Variants in CD6 observed in about 807,000 individuals in gnomAD.
The protein encoded by CD6 is T-cell differentiation antigen CD6.
In CD6, 53 loss-of-function variants were observed where a neutral mutation model predicts 75.3. The ratio of observed to expected loss-of-function variants is 0.70; its 90% CI spans 0.56 to 0.88. CD6 has a LOEUF of 0.88. Ranked by LOEUF, CD6 falls within the 40% of genes least tolerant of loss-of-function variation. The probability of loss-of-function intolerance (pLI) is 0.00; values close to 1 mark genes in which losing one functional copy is unlikely to be tolerated. For missense variants in CD6, 770 were observed against 897.1 expected, an observed-to-expected ratio of 0.86 and a Z score of 1.81; for synonymous variants, 359 against 381.5, an observed-to-expected ratio of 0.94 and a Z score of 0.69.
chr11:60,998,678 T>C (rs1858419798), intron 1 of CD6, among the ~76,000 whole-genome samples: 1 of 152,202 alleles, frequency 6.6e-6, no homozygotes, highest in Non-Finnish European at 1.5e-5. Flanking sequence ...AGGTGCTCTC[T>C]GCAGGCTCAT....
In CD6 at chr11:61,019,793, T is replaced by G. The variant is rs148768506; in HGVS notation, c.*475T>G. ...CTGCAGGAGGGCCCATATACTAGGG[T>G]CTGCTGAGCTGTTGTCACTGATCGG... is the stretch of plus-strand genomic sequence containing the variant. On this transcript the variant is annotated 3_prime_UTR_variant, in exon 13 of 13. Coordinates refer to ENST00000313421, the MANE Select transcript of CD6 (RefSeq NM_006725.5). 682 of 175,014 alleles carry G rather than the reference T, an allele frequency of 3.9e-3. 5 individuals carry two copies. The highest frequency in any genetic ancestry group is 0.015 in the African/African-American group (655 of 42,410). 10.8% of individuals were successfully genotyped at this position (175,014 alleles called of 1,614,324 possible). A position where few individuals can be genotyped will look rare whatever the true frequency, so the allele number is the denominator to read the frequency against.
chr11:61,009,962 T>C (rs1859068792), intron 5 of CD6, 88 bp downstream of exon 5: 2 of 1,337,272 alleles, frequency 1.5e-6, no homozygotes, highest in East Asian at 2.4e-5. Context: ...AGGACCACAA[T>C]AGGCACCAGA....
rs1037873074 is a variant in CD6 at position 61,019,519 on chromosome 11, C to T, written c.*201C>T. ...CAAACCTGCTGCCACAGCCCTCCCC[C>T]GGCCCCAGATAGCAGCCCCAGGGAG... On this transcript the variant is annotated 3_prime_UTR_variant, in exon 13 of 13. Coordinates refer to ENST00000313421, the MANE Select transcript of CD6 (RefSeq NM_006725.5). 4.5e-5 allele frequency: 20 copies of T among 447,274 alleles called. No individual in the cohort carries two copies. Among genetic ancestry groups the T allele is most frequent in the African/African-American group, 3.4e-4 (17 of 50,378 alleles). The allele number at this position is 447,274 out of a possible 1,614,324, so 27.7% of individuals were successfully genotyped here. A position where few individuals can be genotyped will look rare whatever the true frequency, so the allele number is the denominator to read the frequency against.
At chr11:60,972,834 G>A (rs542247152) in intron 1 of CD6, among the ~76,000 whole-genome samples, 6 of 152,302 alleles carry the variant, frequency 3.9e-5, no homozygotes, top group Middle Eastern at 3.4e-3. Flanking sequence ...TACATGTCGC[G>A]AGACTCTGGG....
intron 1 of CD6, among the ~76,000 whole-genome samples, chr11:60,978,501 GC>G (rs2135002403): frequency 6.6e-6 from 1 of 152,334 alleles, no homozygotes; most frequent in South Asian, 2.1e-4. Context: ...GTCCTAACTT[GC>G]TGGGGAATCT....
chr11:61,010,455 G>A (rs548301591), intron 5 of CD6, among the ~76,000 whole-genome samples: 1 of 152,170 alleles, frequency 6.6e-6, no homozygotes, highest in Non-Finnish European at 1.5e-5. Context: ...AATTTCAGAC[G>A]TGTTAAAGTT....
At chr11:60,984,789 G>A (rs1040185579) in intron 1 of CD6, among the ~76,000 whole-genome samples, 16 of 152,226 alleles carry the variant, frequency 1.1e-4, no homozygotes, top group African/African-American at 3.9e-4. Flanking sequence ...TGAGATCAGG[G>A]AGAGGACATT....
Position 61,014,038 on chromosome 11 carries a change from G to A in CD6, c.1387+24G>A, listed in dbSNP as rs1303337230. 8 of 1,570,232 alleles carry A rather than the reference G, an allele frequency of 5.1e-6. No homozygotes were observed. The African/African-American group carries it at 6.8e-5, about 13-fold the overall frequency. ...AGGTAGGATGTCCCCCATCCTGGGT[G>A]TGGGAGGGCTGGGGAGGACAAGAAG... On this transcript the variant is annotated intron_variant, in intron 8 of 12. Transcript: ENST00000313421.
rs200145021 is a variant in CD6 at position 61,015,662 on chromosome 11, C to T, written c.1388-51C>T. 866 of 1,608,836 alleles carry T rather than the reference C, an allele frequency of 5.4e-4. 1 individual carries two copies. Among genetic ancestry groups the T allele is most frequent in the Non-Finnish European group, 6.4e-4 (749 of 1,176,132 alleles). ...GTTCATACTCTACCATCCCTCCCTA[C>T]ACCTTTCCGCCCACCACTTTGCCAT... On this transcript the variant is annotated intron_variant, in intron 8 of 12. Transcript: ENST00000313421.
rs550838566 is a variant in CD6, at chr11:60,989,831, A to G, written c.50-16743A>G. On this transcript the variant is annotated intron_variant, in intron 1 of 12. Coordinates refer to ENST00000313421, the MANE Select transcript of CD6 (RefSeq NM_006725.5). ...AATCCTACATTTCCCCGCCTGCACG[A>G]TAGTGATAATAACAGTGCTTACTTC... Among the ~76,000 whole-genome samples the G allele has an allele frequency of 2.9e-3, 439 of 152,270 alleles. 3 individuals are homozygous for G. The highest frequency in any genetic ancestry group is 3.3e-3 in the Non-Finnish European group (222 of 68,028).
chr11:61,013,930 A>C lies in CD6; in HGVS notation c.1303A>C (p.Met435Leu). The change falls in exon 8 of 13, where the codon ATG (methionine) becomes CTG (leucine). Residue 435 changes from methionine to leucine, a missense_variant. By Grantham distance (15) the Met-to-Leu change is conservative (BLOSUM62 2). Transcript: ENST00000313421. ...RIKGKYALPV[M>L]VNHQHLPTTI... ...CTCCCCTCCCTCAGCCCTCCCCGTA[A>C]TGGTGAACCACCAGCACCTACCCAC... 1 of 1,611,888 alleles carries C rather than the reference A, an allele frequency of 6.2e-7. No homozygotes were observed. The highest frequency in any genetic ancestry group is 8.5e-7 in the Non-Finnish European group (1 of 1,179,096).
chr11:60,974,971 T>C (rs1379347893), intron 1 of CD6, among the ~76,000 whole-genome samples: 1 of 152,228 alleles, frequency 6.6e-6, no homozygotes, highest in Admixed American at 6.5e-5. Flanking sequence ...GTGACTCTAA[T>C]GCCAGCTGTG....
chr11:60,979,339 G>A (rs563992200), intron 1 of CD6, among the ~76,000 whole-genome samples: 186 of 152,166 alleles, frequency 1.2e-3, no homozygotes, highest in Non-Finnish European at 2.1e-3. Context: ...ATCATGGCAC[G>A]CCCTCATGGG....
chr11:61,002,794 C>T (rs1345966861), intron 1 of CD6, among the ~76,000 whole-genome samples: 1 of 152,138 alleles, frequency 6.6e-6, no homozygotes, highest in Non-Finnish European at 1.5e-5. Flanking sequence ...CATCATAACA[C>T]AATGGAAGGC....
At chr11:61,011,209 G>A (rs1395445797) in intron 6 of CD6, 74 bp downstream of exon 6, 1 of 1,117,190 alleles carries the variant, frequency 9.0e-7, no homozygotes, top group East Asian at 2.4e-5. Context: ...GTGTGTTCCT[G>A]TGCACACCTG....
rs1470465588 is a variant in CD6, at chr11:60,987,527, ATAGGGTGTGTGTG to A, written c.49+15628_49+15640del. On this transcript the variant is annotated intron_variant, in intron 1 of 12. Transcript: ENST00000313421. ...ACTCGTAGCAATGTATGTAGTGTGT[ATAGGGTGTGTGTG>A]TAGGGTGTGTGTGTGTACATGTATG... is the stretch of plus-strand genomic sequence containing the variant. Among the ~76,000 whole-genome samples, 13 of 151,026 alleles carry A rather than the reference ATAGGGTGTGTGTG, an allele frequency of 8.6e-5. No homozygotes were observed. The South Asian group carries it at 2.3e-3, about 27-fold the overall frequency.
At position 60,990,175 on chromosome 11, in the gene CD6, G is replaced by A. The variant is rs1858004473; in HGVS notation, c.50-16399G>A. Among the ~76,000 whole-genome samples, 5 of 152,290 alleles carry A rather than the reference G, an allele frequency of 3.3e-5. No individual in the cohort carries two copies. The South Asian group carries it at 1.0e-3, about 32-fold the overall frequency. On this transcript the variant is annotated intron_variant, in intron 1 of 12. Transcript: ENST00000313421. ...GTAGAATCTTCCAGACATTTCGTTAGAGAGGAATATTGCAAACATACAGAA... is the reference window on the plus strand; with the variant it reads ...GTAGAATCTTCCAGACATTTCGTTAAAGAGGAATATTGCAAACATACAGAA...
At chr11:60,999,872 C>T (rs1015726130) in intron 1 of CD6, among the ~76,000 whole-genome samples, 3 of 151,732 alleles carry the variant, frequency 2.0e-5, no homozygotes, top group African/African-American at 7.3e-5. Context: ...CATAGTGAAA[C>T]CCCATCTCTA....
intron 1 of CD6, among the ~76,000 whole-genome samples, chr11:60,983,683 A>G (rs1443643658): frequency 2.0e-5 from 3 of 151,516 alleles, no homozygotes; most frequent in African/African-American, 2.4e-5. Context: ...CAGTGTACTT[A>G]TCAAAACCAG....
Sources: gnomAD v4.1 joint callset for allele counts (sites outside exome capture counted in the v4.1 genomes callset) on GRCh38, gnomAD v4.1.1 for gene constraint, MANE v1.5 for transcripts, NCBI Gene and HGNC (gene_info 2026-07-23, HGNC 2026-07-21) for gene names.